The following CUX1 variants were observed in gnomAD, a reference collection of about 807,000 sequenced individuals.
The protein encoded by CUX1 is protein CASP.
In CUX1, 31 loss-of-function variants were observed where a neutral mutation model predicts 158.8. That is an observed-to-expected ratio of 0.20 (90% confidence interval 0.15 to 0.26). CUX1 has a LOEUF of 0.26. Among genes scored for constraint, CUX1 ranks in the 10% least tolerant of loss-of-function variants. The pLI is 1.00. For synonymous variants in CUX1, 879 were observed against 862.1 expected (o/e 1.02, Z -0.34); for missense variants, 1,589 against 2,014.6 (o/e 0.79, Z 4.04).
At chr7:102,227,960 T>TC (rs71123018) in intron 21 of CUX1, among the ~76,000 whole-genome samples, 9 of 146,244 alleles carry the variant, frequency 6.2e-5, no homozygotes, top group African/African-American at 2.3e-4. Flanking sequence ...TCTTTTTTTT[T>TC]TTTTTTTTTT....
intron 11 of CUX1, among the ~76,000 whole-genome samples, chr7:102,186,591 A>AT (rs1412213512): frequency 4.9e-4 from 42 of 86,336 alleles, no homozygotes; most frequent in African/African-American, 1.6e-3. Flanking sequence ...ATATATATAT[A>AT]TATATTTTTT....
chr7:101,821,031 C>G (rs947380770), intron 1 of CUX1, among the ~76,000 whole-genome samples: 2 of 151,926 alleles, frequency 1.3e-5, no homozygotes, highest in African/African-American at 4.8e-5. Flanking sequence ...GCCTGGATGC[C>G]GAGAGAAGTG....
intron 1 of CUX1, among the ~76,000 whole-genome samples, chr7:101,855,877 CAA>C (rs10654821): frequency 9.0e-6 from 1 of 110,964 alleles, no homozygotes; most frequent in Non-Finnish European, 1.8e-5. Context: ...GTTTCCAGCT[CAA>C]AAAAAAAAAA....
intron 8 of CUX1, among the ~76,000 whole-genome samples, chr7:102,157,505 C>T (rs1198528024): frequency 2.6e-5 from 4 of 152,150 alleles, no homozygotes; most frequent in African/African-American, 4.8e-5. Context: ...CCAGGCCGGG[C>T]GCGGTGGCTT....
At chr7:101,910,280 G>A (rs928472103) in intron 1 of CUX1, among the ~76,000 whole-genome samples, 2 of 151,968 alleles carry the variant, frequency 1.3e-5, no homozygotes, top group African/African-American at 4.8e-5. Flanking sequence ...CCAAGTAGCT[G>A]GAACCACAGG....
At chr7:102,030,051 G>A (rs1820540372) in intron 3 of CUX1, among the ~76,000 whole-genome samples, 1 of 145,654 alleles carries the variant, frequency 6.9e-6, no homozygotes, top group African/African-American at 2.5e-5. Flanking sequence ...CACTCTTGTT[G>A]CCCAGGCTGG....
At chr7:102,192,731 T>C (rs1794413058) in intron 12 of CUX1, among the ~76,000 whole-genome samples, 2 of 152,162 alleles carry the variant, frequency 1.3e-5, no homozygotes, top group Non-Finnish European at 2.9e-5. Flanking sequence ...TCCGGTTGAC[T>C]CTGCACCTGC....
chr7:102,063,060 C>T (rs184295053), intron 3 of CUX1, among the ~76,000 whole-genome samples: 2 of 152,024 alleles, frequency 1.3e-5, no homozygotes, highest in Admixed American at 1.3e-4. Flanking sequence ...GCCAAGATCG[C>T]ACCATTGCAC....
At chr7:102,205,299 C>T in intron 20 of CUX1, 129 bp downstream of exon 20, 1 of 700,140 alleles carries the variant, frequency 1.4e-6, no homozygotes, top group Non-Finnish European at 2.6e-6. Flanking sequence ...TGAAATATGG[C>T]ATCCTATCTG....
At position 102,134,885 on chromosome 7, in the gene CUX1, A is replaced by G. The variant is rs545325096; in HGVS notation, c.674+19612A>G. 3.9e-5 allele frequency among the ~76,000 whole-genome samples: 6 copies of G among 152,264 alleles called. No homozygotes were observed. The South Asian group carries it at 1.2e-3, about 32-fold the overall frequency. ...TTCTGGGATTACAGACAGGAGTCAC[A>G]GCGCCAGGTCCCTATTTATTTTACT... On this transcript the variant is annotated intron_variant, in intron 8 of 23. Transcript: ENST00000292535.
chr7:102,266,575 G>A (rs573845283), intron 14 of CUX1, among the ~76,000 whole-genome samples: 46 of 152,174 alleles, frequency 3.0e-4, no homozygotes, highest in African/African-American at 9.6e-4. Flanking sequence ...TGGCCAGAGC[G>A]GATGAGGGGG....
chr7:101,832,081 T>C (rs1461358375), intron 1 of CUX1, among the ~76,000 whole-genome samples: 1 of 152,114 alleles, frequency 6.6e-6, no homozygotes, highest in Non-Finnish European at 1.5e-5. Context: ...GGTTCAGTTG[T>C]TGGGGTGTGT....
chr7:101,857,098 C>T (rs963228174), intron 1 of CUX1, among the ~76,000 whole-genome samples: 19 of 152,206 alleles, frequency 1.2e-4, no homozygotes, highest in Admixed American at 4.6e-4. Flanking sequence ...CCGTACCACC[C>T]GCCGCGGGCC....
intron 2 of CUX1, among the ~76,000 whole-genome samples, chr7:101,999,724 A>G (rs898122332): frequency 1.6e-4 from 25 of 152,218 alleles, no homozygotes; most frequent in Non-Finnish European, 2.8e-4. Flanking sequence ...GGCAGTCTGC[A>G]CTGCCCCATA....
chr7:102,010,874 G>A (rs1305560855), intron 2 of CUX1, among the ~76,000 whole-genome samples: 1 of 152,192 alleles, frequency 6.6e-6, no homozygotes, highest in Non-Finnish European at 1.5e-5. Context: ...ACATTGGGAG[G>A]CCGAGGTGGG....
At chr7:101,958,900 G>T (rs898202133) in intron 2 of CUX1, among the ~76,000 whole-genome samples, 1 of 121,002 alleles carries the variant, frequency 8.3e-6, no homozygotes, top group East Asian at 2.7e-4. Flanking sequence ...TGTCGCCCAA[G>T]CTGGACTCCA....
intron 1 of CUX1, among the ~76,000 whole-genome samples, chr7:101,881,987 T>C (rs1229704744): frequency 6.7e-6 from 1 of 149,456 alleles, no homozygotes; most frequent in Non-Finnish European, 1.5e-5. Context: ...AGACCAACCT[T>C]GGCAACATAG....
At chr7:101,830,143 G>A (rs765388174) in intron 1 of CUX1, among the ~76,000 whole-genome samples, 11 of 152,144 alleles carry the variant, frequency 7.2e-5, no homozygotes, top group Non-Finnish European at 1.5e-4. Context: ...ACCCTGTGAC[G>A]GTCAAGACCA....
chr7:101,941,630 G>A (rs1807724567), intron 2 of CUX1, among the ~76,000 whole-genome samples: 1 of 152,190 alleles, frequency 6.6e-6, no homozygotes, highest in South Asian at 2.1e-4. Context: ...TTCTGAGACT[G>A]GATCCCTCTC....
Sources: allele counts gnomAD v4.1 joint callset (sites outside exome capture counted in the v4.1 genomes callset), GRCh38; gene constraint gnomAD v4.1.1; transcripts MANE v1.5; gene names NCBI Gene and HGNC (gene_info 2026-07-23, HGNC 2026-07-21).